The following FBXL20 variants were observed in gnomAD, a reference collection of about 807,000 sequenced individuals.
FBXL20 encodes the protein F-box/LRR-repeat protein 20.
Under a neutral mutation model 64.0 loss-of-function variants are expected in FBXL20, and 11 were observed. The observed-to-expected ratio is 0.17, with a 90% CI of 0.11 to 0.28. The LOEUF is 0.28. Among genes scored for constraint, FBXL20 ranks in the 10% least tolerant of loss-of-function variants. The probability of loss-of-function intolerance (pLI) is 1.00; values close to 1 mark genes in which losing one functional copy is unlikely to be tolerated. For synonymous variants in FBXL20, 184 were observed against 189.0 expected (o/e 0.97, Z 0.22); for missense variants, 303 against 526.2 (o/e 0.58, Z 4.15).
At chr17:39,303,448 T>C in intron 3 of FBXL20, 137 bp downstream of exon 3, 1 of 632,552 alleles carries the variant, frequency 1.6e-6, no homozygotes, top group Non-Finnish European at 2.6e-6. Context: ...GGTTTGGGTA[T>C]GTCATTGGTG....
intron 9 of FBXL20, among the ~76,000 whole-genome samples, chr17:39,278,128 T>C (rs1348927394): frequency 6.6e-6 from 1 of 152,212 alleles, no homozygotes; most frequent in Non-Finnish European, 1.5e-5. Flanking sequence ...ATATATGTGC[T>C]TATACATACA....
chr17:39,322,807 T>A (rs1026918779), intron 2 of FBXL20, among the ~76,000 whole-genome samples: 9 of 152,120 alleles, frequency 5.9e-5, no homozygotes, highest in Non-Finnish European at 8.8e-5. Context: ...TTATTTATTT[T>A]ATTTTTTTAT....
intron 1 of FBXL20, among the ~76,000 whole-genome samples, chr17:39,353,887 G>A (rs2047711791): frequency 6.6e-6 from 1 of 152,034 alleles, no homozygotes; most frequent in African/African-American, 2.4e-5. Context: ...GCCTCCCAAA[G>A]TGCTGGGGTT....
At chr17:39,279,621 G>C (rs1206941352) in intron 9 of FBXL20, among the ~76,000 whole-genome samples, 1 of 151,832 alleles carries the variant, frequency 6.6e-6, no homozygotes, top group Non-Finnish European at 1.5e-5. Flanking sequence ...TGTTGGCCAG[G>C]CACGTGGCTC....
intron 1 of FBXL20, among the ~76,000 whole-genome samples, chr17:39,364,074 C>T (rs1481455733): frequency 6.6e-6 from 1 of 151,334 alleles, no homozygotes; most frequent in Non-Finnish European, 1.5e-5. Flanking sequence ...ATTTTTAGTA[C>T]AGACGGGGTT....
intron 1 of FBXL20, among the ~76,000 whole-genome samples, chr17:39,398,384 C>T (rs534858910): frequency 6.6e-6 from 1 of 152,208 alleles, no homozygotes; most frequent in South Asian, 2.1e-4. Flanking sequence ...CAATAACCAT[C>T]GTTAAATTTG....
chr17:39,392,481 G>A (rs1480752097), intron 1 of FBXL20, among the ~76,000 whole-genome samples: 1 of 150,428 alleles, frequency 6.6e-6, no homozygotes, highest in Non-Finnish European at 1.5e-5. Flanking sequence ...AACAAAAGTA[G>A]CTCTTTTTCA....
At chr17:39,343,305 A>G in intron 1 of FBXL20, 64 bp from the exon 2 acceptor site, 1 of 1,198,230 alleles carries the variant, frequency 8.3e-7, no homozygotes, top group African/African-American at 1.5e-5. Context: ...GTTCAACTCA[A>G]TAGTTTAGAG....
chr17:39,374,569 A>C (rs1336838493), intron 1 of FBXL20, among the ~76,000 whole-genome samples: 1 of 152,062 alleles, frequency 6.6e-6, no homozygotes, highest in Non-Finnish European at 1.5e-5. Flanking sequence ...GATTATAACT[A>C]ATTTTATAAC....
At chr17:39,349,600 TAAG>T (rs2047667901) in intron 1 of FBXL20, among the ~76,000 whole-genome samples, 1 of 149,288 alleles carries the variant, frequency 6.7e-6, no homozygotes, top group Non-Finnish European at 1.5e-5. Flanking sequence ...AAAAAAAAAA[TAAG>T]AAAATTCCAC....
At chr17:39,370,834 A>G (rs927878020) in intron 1 of FBXL20, among the ~76,000 whole-genome samples, 4 of 151,606 alleles carry the variant, frequency 2.6e-5, no homozygotes, top group Non-Finnish European at 5.9e-5. Flanking sequence ...TGGCAACCTT[A>G]TATTAGCCCC....
intron 1 of FBXL20, among the ~76,000 whole-genome samples, chr17:39,343,658 G>A (rs1374497874): frequency 6.6e-6 from 1 of 151,796 alleles, no homozygotes; most frequent in Non-Finnish European, 1.5e-5. Flanking sequence ...CTTGAGCTCA[G>A]GAGTTCAAGA....
At chr17:39,371,824 C>A (rs1442007230) in intron 1 of FBXL20, among the ~76,000 whole-genome samples, 1 of 152,122 alleles carries the variant, frequency 6.6e-6, no homozygotes, top group Non-Finnish European at 1.5e-5. Flanking sequence ...CCTCGCCCAG[C>A]TAAAATCTCC....
intron 6 of FBXL20, among the ~76,000 whole-genome samples, chr17:39,288,960 C>T (rs2047013026): frequency 6.6e-6 from 1 of 152,176 alleles, no homozygotes; most frequent in Non-Finnish European, 1.5e-5. Flanking sequence ...ACCTCGGCCT[C>T]CCAAAGTGCT....
intron 7 of FBXL20, among the ~76,000 whole-genome samples, chr17:39,283,706 C>T (rs1184640120): frequency 1.3e-5 from 2 of 152,082 alleles, no homozygotes. Flanking sequence ...TCTAGAGTAC[C>T]GCTTTTGTAG....
chr17:39,311,502 T>C (rs2047235252), intron 2 of FBXL20, among the ~76,000 whole-genome samples: 1 of 152,128 alleles, frequency 6.6e-6, no homozygotes, highest in South Asian at 2.1e-4. Context: ...ATGTCTTTCT[T>C]CTTCCCTTGA....
intron 6 of FBXL20, among the ~76,000 whole-genome samples, chr17:39,287,405 T>C (rs1278844195): frequency 6.6e-6 from 1 of 152,002 alleles, no homozygotes; most frequent in Non-Finnish European, 1.5e-5. Flanking sequence ...ATGTTTTCAT[T>C]TCCTTTTTCT....
chr17:39,396,441 C>T (rs970124165), intron 1 of FBXL20, among the ~76,000 whole-genome samples: 5 of 151,604 alleles, frequency 3.3e-5, no homozygotes, highest in African/African-American at 1.2e-4. Context: ...ACTAAAAATA[C>T]AAAAATTAGT....
intron 2 of FBXL20, among the ~76,000 whole-genome samples, chr17:39,308,066 G>A (rs1394304479): frequency 6.6e-6 from 1 of 152,012 alleles, no homozygotes; most frequent in Admixed American, 6.6e-5. Context: ...AGGCATGGTG[G>A]CTCACACCTA....
Sources: gnomAD v4.1 joint callset for allele counts (sites outside exome capture counted in the v4.1 genomes callset) on GRCh38, gnomAD v4.1.1 for gene constraint, MANE v1.5 for transcripts, NCBI Gene and HGNC (gene_info 2026-07-23, HGNC 2026-07-21) for gene names.